TGIF1: variants seen among roughly 807,000 people sequenced by gnomAD.
The protein encoded by TGIF1 is homeobox protein TGIF1.
Under a neutral mutation model 19.3 loss-of-function variants are expected in TGIF1, and 4 were observed. That is an observed-to-expected ratio of 0.21 (90% CI 0.10 to 0.47). The LOEUF is 0.47. Among genes scored for constraint, TGIF1 ranks in the 20% least tolerant of loss-of-function variants. The pLI, the probability that TGIF1 is intolerant of heterozygous loss-of-function variation, is 0.98. For synonymous variants in TGIF1, 122 were observed against 129.3 expected (o/e 0.94, Z 0.38); for missense variants, 275 against 341.4 (o/e 0.81, Z 1.53).
intron 1 of TGIF1, among the ~76,000 whole-genome samples, chr18:3,416,949 A>AC (rs1163864902): frequency 9.2e-5 from 14 of 151,922 alleles, no homozygotes; most frequent in African/African-American, 2.2e-4. Context: ...AACAACAACA[A>AC]AAAAAAGATT....
At chr18:3,427,800 A>C (rs189716037) in intron 2 of TGIF1, among the ~76,000 whole-genome samples, 6 of 152,122 alleles carry the variant, frequency 3.9e-5, no homozygotes, top group African/African-American at 1.4e-4. Context: ...GGATTTCGAC[A>C]TGTTGGCCAG....
chr18:3,457,761 A>G lies in TGIF1; in HGVS notation c.640A>G (p.Met214Val). The G allele has an allele frequency of 1.2e-6, 2 of 1,613,900 alleles. No individual in the cohort carries two copies. Among genetic ancestry groups the G allele is most frequent in the Non-Finnish European group, 1.7e-6 (2 of 1,179,788 alleles). ...AAKNFTDTSL[M>V]YPEDTCKSGP... is the part of the protein sequence containing the mutation. ...CAAAAACTTCACAGACACCTCTCTCATGTACCCAGAGGACACTTGTAAATC... is the reference window on the plus strand; with the variant it reads ...CAAAAACTTCACAGACACCTCTCTCGTGTACCCAGAGGACACTTGTAAATC... The change falls in exon 3 of 3, where the codon ATG (methionine) becomes GTG (valine). Residue 214 changes from methionine (M) to valine (V), a missense_variant. Transcript: ENST00000343820. The surrounding 1 kb of genome is among the most constrained non-coding windows in gnomAD (Gnocchi z 4.9).
Position 3,456,532 on chromosome 18 carries a change from G to C in TGIF1, c.195G>C (p.Glu65Asp), listed in dbSNP as rs2049360363. 1.2e-6 allele frequency: 2 copies of C among 1,614,248 alleles called. No individual in the cohort carries two copies. The highest frequency in any genetic ancestry group is 1.7e-6 in the Non-Finnish European group (2 of 1,180,034). ...YEHRYNAYPS[E>D]QEKALLSQQT... is the part of the protein sequence containing the mutation. The stretch of plus-strand genomic sequence containing the variant: ...ACCGTTACAATGCCTATCCTTCAGA[G>C]CAAGAAAAAGCGTTGCTGTCCCAGC... The change falls in exon 2 of 3, where the codon GAG becomes GAC. Residue 65 changes from glutamate (E) to aspartate (D), a missense_variant. By Grantham distance (45) the Glu-to-Asp change is conservative. Transcript: ENST00000343820. The surrounding 1 kb of genome is among the most constrained non-coding windows in gnomAD (Gnocchi z 4.2).
chr18:3,413,846 TAAC>T (rs1272975723), intron 1 of TGIF1, among the ~76,000 whole-genome samples: 2 of 152,202 alleles, frequency 1.3e-5, no homozygotes, highest in Non-Finnish European at 2.9e-5. Context: ...GTAATAAAAA[TAAC>T]AAGAGTGATA....
intron 2 of TGIF1, chr18:3,418,599 C>T (rs1303333609): frequency 6.6e-6 from 1 of 152,180 alleles, no homozygotes; most frequent in African/African-American, 2.4e-5. Flanking sequence ...GGCCTAACTA[C>T]ATTTTCTATC....
At chr18:3,430,709 G>A (rs2082536167) in intron 2 of TGIF1, among the ~76,000 whole-genome samples, 1 of 141,222 alleles carries the variant, frequency 7.1e-6, no homozygotes, top group African/African-American at 2.7e-5. Flanking sequence ...ATAGGGTCTT[G>A]CCATGTTGCC....
intron 2 of TGIF1, among the ~76,000 whole-genome samples, chr18:3,425,913 G>A (rs1243613684): frequency 2.6e-5 from 4 of 152,050 alleles, no homozygotes; most frequent in East Asian, 1.9e-4. Flanking sequence ...AATCTCTTGC[G>A]GAATTGATTG....
intron 1 of TGIF1, among the ~76,000 whole-genome samples, chr18:3,454,282 A>C (rs2083092379): frequency 6.6e-6 from 1 of 152,200 alleles, no homozygotes; most frequent in Admixed American, 6.5e-5. Context: ...ATCAAAGGGC[A>C]GCCTTCAGGG....
upstream of TGIF1, among the ~76,000 whole-genome samples, chr18:3,448,757 A>G (rs238136): frequency 0.37 from 48,997 of 131,722 alleles, 10,988 homozygotes; most frequent in African/African-American, 0.67. Context: ...GTGGCAGGCT[A>G]GCTCTAGTTC....
At chr18:3,455,213 T>C (rs1439724779) in intron 1 of TGIF1, 1 of 152,214 alleles carries the variant, frequency 6.6e-6, no homozygotes, top group Non-Finnish European at 1.5e-5. Flanking sequence ...AGCAAAAGAA[T>C]GTATTTCTTT....
chr18:3,456,579 A>C lies in TGIF1; in HGVS notation c.242A>C (p.Gln81Pro). The change falls in exon 2 of 3, where the codon CAG becomes CCG. Residue 81 changes from glutamine to proline, a missense_variant and splice_region_variant. Transcript: ENST00000343820. The surrounding 1 kb of genome is among the most constrained non-coding windows in gnomAD (Gnocchi z 4.2). Reference protein sequence around the residue: ...LSQQTHLSTLQVCNWFINARR... With the variant: ...LSQQTHLSTLPVCNWFINARR... ...CAGCAAACACACCTGTCTACGCTAC[A>C]GGTAAAGAAAGAGAGCGTGAGGTTT... 1 of 1,613,986 alleles carries C rather than the reference A, an allele frequency of 6.2e-7. No individual in the cohort carries two copies. Among genetic ancestry groups the C allele is most frequent in the Non-Finnish European group, 8.5e-7 (1 of 1,179,838 alleles).
At position 3,439,350 on chromosome 18, in the gene TGIF1, AT is replaced by A. The variant is rs763204715; in HGVS notation, c.-44-16989del. On this transcript the variant is annotated intron_variant, in intron 2 of 3. Transcript: ENST00000401449. ...TTTCTGAAGTCACCTCACTATTTTA[AT>A]TTTTTTTTTTTTTTGAGACGGAGTC... Among the ~76,000 whole-genome samples, 538 of 144,310 alleles carry A rather than the reference AT, an allele frequency of 3.7e-3. 2 individuals are homozygous for A. Among genetic ancestry groups the A allele is most frequent in the Middle Eastern group, 7.1e-3 (2 of 280 alleles). 94.7% of individuals were successfully genotyped at this position (144,310 alleles called of 152,430 possible).
chr18:3,438,442 G>A (rs949373195), intron 2 of TGIF1, among the ~76,000 whole-genome samples: 1 of 151,988 alleles, frequency 6.6e-6, no homozygotes, highest in African/African-American at 2.4e-5. Context: ...AAACCTAAAG[G>A]TCAGAATGTT....
chr18:3,448,754 G>GCTGGCT (rs2082805499), upstream of TGIF1, among the ~76,000 whole-genome samples: 1 of 135,700 alleles, frequency 7.4e-6, no homozygotes, highest in Non-Finnish European at 1.5e-5. Flanking sequence ...AGGGTGGCAG[G>GCTGGCT]CTAGCTCTAG....
chr18:3,445,765 C>CAAAAAAAAAAAAAAAA (rs755240649), upstream of TGIF1, among the ~76,000 whole-genome samples: 3 of 35,848 alleles, frequency 8.4e-5, no homozygotes, highest in African/African-American at 1.4e-4. Flanking sequence ...AGAAGAAAAG[C>CAAAAAAAAAAAAAAAA]AAAAAAAAAA....
At chr18:3,420,564 A>G (rs2082387624) in intron 2 of TGIF1, among the ~76,000 whole-genome samples, 1 of 152,238 alleles carries the variant, frequency 6.6e-6, no homozygotes, top group African/African-American at 2.4e-5. Context: ...GACAGAGACT[A>G]TCAGAGTGGA....
chr18:3,456,544 G>A lies in TGIF1; in HGVS notation c.207G>A (p.Ala69=), dbSNP rs772741957. The A allele has an allele frequency of 1.1e-5, 17 of 1,614,114 alleles. No homozygotes were observed. The highest frequency in any genetic ancestry group is 4.5e-5 in the East Asian group (2 of 44,902). ...YNAYPSEQEK[A]LLSQQTHLST... is the part of the protein sequence containing the mutation. Reference sequence around the variant, plus strand: ...CCTATCCTTCAGAGCAAGAAAAAGCGTTGCTGTCCCAGCAAACACACCTGT... The same window carrying A: ...CCTATCCTTCAGAGCAAGAAAAAGCATTGCTGTCCCAGCAAACACACCTGT... The change falls in exon 2 of 3, where the codon GCG becomes GCA. Residue 69 remains alanine, a synonymous_variant. Coordinates refer to ENST00000343820, the MANE Select transcript of TGIF1 (RefSeq NM_003244.4). This position sits in a 1 kb window ranked among gnomAD's most constrained non-coding sequence, Gnocchi z 4.2.
At position 3,451,583 on chromosome 18, in the gene TGIF1, T is replaced by G; in HGVS notation, c.16+1078T>G. 1 of 1,026,672 alleles carries G rather than the reference T, an allele frequency of 9.7e-7. No individual in the cohort carries two copies. Among genetic ancestry groups the G allele is most frequent in the Non-Finnish European group, 1.2e-6 (1 of 857,544 alleles). 63.6% of individuals were successfully genotyped at this position (1,026,672 alleles called of 1,614,324 possible). On this transcript the variant is annotated intron_variant, in intron 1 of 2. Transcript: ENST00000343820. The surrounding 1 kb of genome is among the most constrained non-coding windows in gnomAD (Gnocchi z 5.4). ...CGCATGCCCGGGAGCCGCCTGGAGTTTGGAACTCCACATTCTTTCAGACCC... is the reference window on the plus strand; with the variant it reads ...CGCATGCCCGGGAGCCGCCTGGAGTGTGGAACTCCACATTCTTTCAGACCC...
At chr18:3,434,616 G>A (rs1372694144) in intron 2 of TGIF1, among the ~76,000 whole-genome samples, 1 of 152,214 alleles carries the variant, frequency 6.6e-6, no homozygotes, top group East Asian at 1.9e-4. Flanking sequence ...TCGGGAGGCT[G>A]AGGCAGGAGA....
Sources: gnomAD v4.1 joint callset for allele counts (sites outside exome capture counted in the v4.1 genomes callset) on GRCh38, gnomAD v4.1.1 for gene constraint, Gnocchi (gnomAD v3.1) non-coding constraint, MANE v1.5 for transcripts, NCBI Gene and HGNC (gene_info 2026-07-23, HGNC 2026-07-21) for gene names.